The following PCDHGA3 variants were observed in gnomAD, a reference collection of about 807,000 sequenced individuals.
PCDHGA3 encodes the protein protocadherin gamma-A3.
PCDHGA3 carries 40 observed loss-of-function variants against 58.5 expected under a neutral mutation model. That is an observed-to-expected ratio of 0.68 (90% CI 0.53 to 0.89). The LOEUF is 0.89. PCDHGA3 is among the 40% of genes least tolerant of loss of function. The probability of loss-of-function intolerance (pLI) is 0.00; values close to 1 mark genes in which losing one functional copy is unlikely to be tolerated. For synonymous variants in PCDHGA3, 530 were observed against 525.7 expected, an observed-to-expected ratio of 1.01 and a Z score of -0.11; for missense variants, 1,223 against 1,195.9, an observed-to-expected ratio of 1.02 and a Z score of -0.33.
rs199552905 is a variant in PCDHGA3 at position 141,423,400 on chromosome 5, C to A, written c.2425-71407C>A. On this transcript the variant is annotated intron_variant, in intron 1 of 3. Transcript: ENST00000253812. Reference sequence around the variant, plus strand: ...GCTGTGGCGCTGGCATAAGTCACGCCTGCTGCAGGCTTCTGAAGGCGGGTT... The same window carrying A: ...GCTGTGGCGCTGGCATAAGTCACGCATGCTGCAGGCTTCTGAAGGCGGGTT... 62 of 1,614,152 alleles carry A rather than the reference C, an allele frequency of 3.8e-5. No homozygotes were observed. The African/African-American group carries it at 6.9e-4, about 18-fold the overall frequency.
At chr5:141,372,512 G>A (rs1343689121) in intron 1 of PCDHGA3, 1 of 1,614,024 alleles carries the variant, frequency 6.2e-7, no homozygotes, top group East Asian at 2.2e-5. Flanking sequence ...TCCTCCTCGC[G>A]GTGATTCTGG....
At chr5:141,397,668 C>T (rs1455080741) in intron 1 of PCDHGA3, among the ~76,000 whole-genome samples, 3 of 152,224 alleles carry the variant, frequency 2.0e-5, no homozygotes, top group African/African-American at 7.2e-5. Flanking sequence ...AAAGAATGGA[C>T]CAATGTATGC....
intron 1 of PCDHGA3, chr5:141,357,123 G>A: frequency 1.2e-6 from 2 of 1,613,670 alleles, no homozygotes; most frequent in Non-Finnish European, 1.7e-6. Flanking sequence ...TCAAGCAGAG[G>A]CTTGTAGTGG....
At chr5:141,371,448 G>A in intron 1 of PCDHGA3, 1 of 1,613,994 alleles carries the variant, frequency 6.2e-7, no homozygotes, top group Non-Finnish European at 8.5e-7. Flanking sequence ...CCTGGCTTCT[G>A]AATCCCAACA....
rs1194909537 is a variant in PCDHGA3 at position 141,511,022 on chromosome 5, T to C, written c.2648T>C (p.Phe883Ser). 1 of 1,614,176 alleles carries C rather than the reference T, an allele frequency of 6.2e-7. No individual in the cohort carries two copies. The highest frequency in any genetic ancestry group is 8.5e-7 in the Non-Finnish European group (1 of 1,180,020). ...MGLSARYGPQ[F>S]TLQHVPDYRQ... ...TTGAGCGCCCGCTACGGACCCCAGT[T>C]CACCCTGCAGCACGTGCCCGACTAC... The change falls in exon 4 of 4, where the codon TTC becomes TCC. Residue 883 changes from phenylalanine (F) to serine (S), a missense_variant. Transcript: ENST00000253812.
At chr5:141,446,061 AG>A (rs903957950) in intron 1 of PCDHGA3, among the ~76,000 whole-genome samples, 3 of 152,226 alleles carry the variant, frequency 2.0e-5, no homozygotes, top group African/African-American at 7.2e-5. Context: ...CTTGGATTAA[AG>A]GGGAGGCAGT....
At chr5:141,418,433 C>G (rs761824602) in intron 1 of PCDHGA3, 44 of 1,613,938 alleles carry the variant, frequency 2.7e-5, no homozygotes, top group Non-Finnish European at 3.7e-5. Flanking sequence ...TGGCAAATAT[C>G]CAGAATTAGT....
At chr5:141,414,422 G>T (rs369608304) in intron 1 of PCDHGA3, 1 of 1,613,866 alleles carries the variant, frequency 6.2e-7, no homozygotes, top group Non-Finnish European at 8.5e-7. Context: ...GCCCTTGACA[G>T]GGAACAGGTA....
Position 141,491,757 on chromosome 5 carries a change from C to G in PCDHGA3, c.2425-3050C>G. ...CTGGGGGCGGCACTGGAGAAGCCGC[C>G]CGTCCTCATAAGGGATTGAACTTGC... On this transcript the variant is annotated intron_variant, in intron 1 of 3. Coordinates refer to ENST00000253812, the MANE Select transcript of PCDHGA3 (RefSeq NM_018916.4). This position sits in a 1 kb window ranked among gnomAD's most constrained non-coding sequence, Gnocchi z 6.9. 1 of 1,580,374 alleles carries G rather than the reference C, an allele frequency of 6.3e-7. No individual in the cohort carries two copies. The highest frequency in any genetic ancestry group is 1.9e-5 in the Admixed American group (1 of 53,534).
At chr5:141,462,360 A>G (rs1400686908) in intron 1 of PCDHGA3, among the ~76,000 whole-genome samples, 1 of 152,238 alleles carries the variant, frequency 6.6e-6, no homozygotes, top group Non-Finnish European at 1.5e-5. Flanking sequence ...TATACATTGT[A>G]TAGTTTCTAT....
chr5:141,356,469 T>A, intron 1 of PCDHGA3: 1 of 1,613,784 alleles, frequency 6.2e-7, no homozygotes, highest in Non-Finnish European at 8.5e-7. Flanking sequence ...TCACTGTAAC[T>A]GCCACTGACC....
Position 141,491,636 on chromosome 5 carries a change from C to T in PCDHGA3, c.2425-3171C>T. ...AGACCCCTCAGCGTTCAGCAGCCCA[C>T]AGCTCTGGCGCTGGAGCCTGACGCC... On this transcript the variant is annotated intron_variant, in intron 1 of 3. Coordinates refer to ENST00000253812, the MANE Select transcript of PCDHGA3 (RefSeq NM_018916.4). This position sits in a 1 kb window ranked among gnomAD's most constrained non-coding sequence, Gnocchi z 6.9. 6.2e-7 allele frequency: 1 copy of T among 1,613,922 alleles called. No homozygotes were observed. Among genetic ancestry groups the T allele is most frequent in the Non-Finnish European group, 8.5e-7 (1 of 1,180,020 alleles).
At chr5:141,417,050 C>T (rs1420453271) in intron 1 of PCDHGA3, 3 of 151,552 alleles carry the variant, frequency 2.0e-5, no homozygotes, top group Non-Finnish European at 4.4e-5. Flanking sequence ...AAAAAAACTG[C>T]TCTTGACATT....
chr5:141,414,435 C>T lies in PCDHGA3; in HGVS notation c.2424+67978C>T, dbSNP rs891322256. 4.3e-6 allele frequency: 7 copies of T among 1,613,678 alleles called. No homozygotes were observed. In the African/African-American group the frequency reaches 8.0e-5, roughly 18 times the overall value. On this transcript the variant is annotated intron_variant, in intron 1 of 3. Coordinates refer to ENST00000253812, the MANE Select transcript of PCDHGA3 (RefSeq NM_018916.4). ...GAGCCCTTGACAGGGAACAGGTATC[C>T]TCTTACAATATCACAGTGACAGCCA...
intron 1 of PCDHGA3, chr5:141,350,236 A>G (rs1298740277): frequency 4.7e-6 from 7 of 1,503,566 alleles, no homozygotes; most frequent in Middle Eastern, 1.8e-4. Flanking sequence ...CCCAGAGGAA[A>G]GAAGCTCCGC....
chr5:141,496,277 T>C (rs1484877198), intron 2 of PCDHGA3, among the ~76,000 whole-genome samples: 1 of 152,134 alleles, frequency 6.6e-6, no homozygotes, highest in Non-Finnish European at 1.5e-5. Context: ...AGACCTTCAG[T>C]TGGTCTGAGC....
At position 141,476,689 on chromosome 5, in the gene PCDHGA3, C is replaced by A; in HGVS notation, c.2425-18118C>A. Reference sequence around the variant, plus strand: ...GCGTGCAGACGCGGGAGGACAGCACCAAGTACGCGGAGCTGGTGTTGGAGC... The same window carrying A: ...GCGTGCAGACGCGGGAGGACAGCACAAAGTACGCGGAGCTGGTGTTGGAGC... On this transcript the variant is annotated intron_variant, in intron 1 of 3. Transcript: ENST00000253812. The surrounding 1 kb of genome is among the most constrained non-coding windows in gnomAD (Gnocchi z 7.6). The A allele has an allele frequency of 1.9e-6, 3 of 1,614,226 alleles. No homozygotes were observed. Among genetic ancestry groups the A allele is most frequent in the Non-Finnish European group, 2.5e-6 (3 of 1,180,046 alleles).
At chr5:141,360,821 G>A (rs1214770155) in intron 1 of PCDHGA3, 1 of 1,613,924 alleles carries the variant, frequency 6.2e-7, no homozygotes, top group Non-Finnish European at 8.5e-7. Flanking sequence ...ACCCAAATCC[G>A]AATCAAAGTC....
At chr5:141,418,717 C>G in intron 1 of PCDHGA3, 2 of 1,613,938 alleles carry the variant, frequency 1.2e-6, no homozygotes, top group Non-Finnish European at 1.7e-6. Context: ...GTGTGGCTGA[C>G]AAAGCTCAGC....
Sources: allele counts gnomAD v4.1 joint callset (sites outside exome capture counted in the v4.1 genomes callset), GRCh38; gene constraint gnomAD v4.1.1; non-coding constraint Gnocchi (gnomAD v3.1); transcripts MANE v1.5; gene names NCBI Gene and HGNC (gene_info 2026-07-23, HGNC 2026-07-21).